The following CENPO variants were observed in gnomAD, a reference collection of about 807,000 sequenced individuals.
CENPO encodes the protein centromeric protein O.
Under a neutral mutation model 36.1 loss-of-function variants are expected in CENPO, and 30 were observed. That is an observed-to-expected ratio of 0.83 (90% CI 0.62 to 1.13). CENPO has a LOEUF of 1.13. Among genes scored for constraint, CENPO ranks in the 50% most tolerant of loss-of-function variants. The pLI, the probability that CENPO is intolerant of heterozygous loss-of-function variation, is 0.00. For missense variants in CENPO, 349 were observed against 357.8 expected (o/e 0.98, Z 0.20); for synonymous variants, 171 against 142.3 (o/e 1.20, Z -1.44).
rs1374908400 is a variant in CENPO at position 24,820,903 on chromosome 2, C to T, written c.*1585C>T. 6.3e-7 allele frequency: 1 copy of T among 1,598,444 alleles called. No individual in the cohort carries two copies. The highest frequency in any genetic ancestry group is 8.5e-7 in the Non-Finnish European group (1 of 1,171,268). ...CCACAGGCCACACCTTGTTATGGGC[C>T]TCAGAAGCCATCTCCTCTCCAGACC... On this transcript the variant is annotated 3_prime_UTR_variant, in exon 8 of 8. Coordinates refer to ENST00000380834, the MANE Select transcript of CENPO (RefSeq NM_001322101.2).
At chr2:24,818,790 G>A (rs1284822444) in intron 7 of CENPO, among the ~76,000 whole-genome samples, 1 of 152,230 alleles carries the variant, frequency 6.6e-6, no homozygotes, top group African/African-American at 2.4e-5. Flanking sequence ...TCCTTGGCGT[G>A]TGGGTCACTC....
rs571265565 is a variant in CENPO at position 24,796,818 on chromosome 2, A to C, written c.46+2853A>C. Among the ~76,000 whole-genome samples the C allele has an allele frequency of 1.7e-4, 26 of 151,634 alleles. No homozygotes were observed. In the East Asian group the frequency reaches 4.7e-3, roughly 27 times the overall value. ...GAGTAGCTGCAGGTGAAGGTGGATA[A>C]GGGGCGGCTGTGGAAGAGCCTTTGG... is the stretch of plus-strand genomic sequence containing the variant. On this transcript the variant is annotated intron_variant, in intron 2 of 7. Transcript: ENST00000380834.
At chr2:24,806,409 G>A (rs745957713) in intron 3 of CENPO, among the ~76,000 whole-genome samples, 1 of 152,170 alleles carries the variant, frequency 6.6e-6, no homozygotes, top group African/African-American at 2.4e-5. Context: ...CGTCTTCTGC[G>A]TTGCTCACGC....
intron 2 of CENPO, among the ~76,000 whole-genome samples, chr2:24,795,094 A>G (rs932365295): frequency 6.6e-6 from 1 of 152,172 alleles, no homozygotes; most frequent in Non-Finnish European, 1.5e-5. Flanking sequence ...TGTAGTGGAA[A>G]CATGCTACAC....
chr2:24,817,727 T>A lies in CENPO; in HGVS notation c.824T>A (p.Phe275Tyr). Residue 275 changes from phenylalanine to tyrosine, a missense_variant, in exon 7 of 8, where the codon TTC becomes TAC. Transcript: ENST00000380834. ...EEQRASHETL[F>Y]CTKPLHQVFA... ...CAACGAGCATCTCATGAAACTCTGT[T>A]CTGTACGAAGCCCTTGCATCAAGTG... 1 of 1,614,216 alleles carries A rather than the reference T, an allele frequency of 6.2e-7. No individual in the cohort carries two copies. Among genetic ancestry groups the A allele is most frequent in the Non-Finnish European group, 8.5e-7 (1 of 1,180,036 alleles).
intron 3 of CENPO, among the ~76,000 whole-genome samples, chr2:24,803,112 G>T (rs1394108942): frequency 1.3e-5 from 2 of 151,918 alleles, no homozygotes; most frequent in African/African-American, 2.4e-5. Flanking sequence ...TAGTTTATTT[G>T]CGTAGAGGTG....
At chr2:24,815,014 G>A (rs1450481793) in intron 4 of CENPO, among the ~76,000 whole-genome samples, 3 of 152,120 alleles carry the variant, frequency 2.0e-5, no homozygotes, top group Non-Finnish European at 4.4e-5. Context: ...GCTGAGGCAG[G>A]ATTACTTGAG....
At chr2:24,818,677 G>A (rs1396572660) in intron 7 of CENPO, among the ~76,000 whole-genome samples, 5 of 152,006 alleles carry the variant, frequency 3.3e-5, no homozygotes, top group Admixed American at 3.3e-4. Flanking sequence ...CATTAACTCA[G>A]GGGGACTCAG....
Position 24,816,661 on chromosome 2 carries a change from C to T in CENPO, c.610C>T (p.Leu204Phe). The change falls in exon 6 of 8, where the codon CTC (leucine) becomes TTC (phenylalanine). Residue 204 changes from leucine (L) to phenylalanine (F), a missense_variant. Coordinates refer to ENST00000380834, the MANE Select transcript of CENPO (RefSeq NM_001322101.2). ...ADRLQSDFAA[L>F]LTGPLQRNPL... is the part of the protein sequence containing the mutation. Reference sequence around the variant, plus strand: ...CCCCTCTTAGAGTGACTTTGCAGCCCTCCTGACTGGGCCCTTGCAGAGAAA... The same window carrying T: ...CCCCTCTTAGAGTGACTTTGCAGCCTTCCTGACTGGGCCCTTGCAGAGAAA... The T allele has an allele frequency of 2.5e-6, 4 of 1,608,964 alleles. No homozygotes were observed. Among genetic ancestry groups the T allele is most frequent in the Non-Finnish European group, 3.4e-6 (4 of 1,177,752 alleles).
At chr2:24,816,567 A>T in intron 5 of CENPO, 79 bp from the exon 6 acceptor site, 1 of 968,336 alleles carries the variant, frequency 1.0e-6, no homozygotes. Flanking sequence ...TTTTTGGTTG[A>T]CGTAATTGAA....
chr2:24,820,748 G>C lies in CENPO; in HGVS notation c.*1430G>C. The C allele has an allele frequency of 1.9e-6, 3 of 1,614,042 alleles. No homozygotes were observed. Among genetic ancestry groups the C allele is most frequent in the Non-Finnish European group, 2.5e-6 (3 of 1,179,982 alleles). The stretch of plus-strand genomic sequence containing the variant: ...CCTGAATGTTGCCCATGACCCCCGT[G>C]GACTCCATCCTGCTGGCTACATTGA... On this transcript the variant is annotated 3_prime_UTR_variant, in exon 8 of 8. Transcript: ENST00000380834.
chr2:24,793,580 T>G, intron 1 of CENPO, 79 bp downstream of exon 1: 1 of 1,474,384 alleles, frequency 6.8e-7, no homozygotes, highest in Non-Finnish European at 9.0e-7. Flanking sequence ...TGAACGGCCT[T>G]CTTAAAACTC....
chr2:24,819,783 TCA>T lies in CENPO; in HGVS notation c.*470_*471del. ...GGAATAGCAGGGCCACCCTCAGAGCTCACACATCCACGAACAAATGAAGGCTG... is the reference window on the plus strand; with the variant it reads ...GGAATAGCAGGGCCACCCTCAGAGCTCACATCCACGAACAAATGAAGGCTG... On this transcript the variant is annotated 3_prime_UTR_variant, in exon 8 of 8. Coordinates refer to ENST00000380834, the MANE Select transcript of CENPO (RefSeq NM_001322101.2). 1 of 820,156 alleles carries T rather than the reference TCA, an allele frequency of 1.2e-6. No individual in the cohort carries two copies. Among genetic ancestry groups the T allele is most frequent in the Non-Finnish European group, 1.9e-6 (1 of 524,824 alleles). The allele number at this position is 820,156 out of a possible 1,614,324, so 50.8% of individuals were successfully genotyped here.
In CENPO at chr2:24,814,447, G is replaced by T; in HGVS notation, c.288G>T (p.Glu96Asp). 1 of 1,606,960 alleles carries T rather than the reference G, an allele frequency of 6.2e-7. No individual in the cohort carries two copies. Reference protein sequence around the residue: ...VEINEQEALEEKLENVKAILQ... With the variant: ...VEINEQEALEDKLENVKAILQ... ...TCAATGAGCAAGAAGCATTGGAAGA[G>T]AAATTGGAAAATGTGAAAGCCATTC... is the stretch of plus-strand genomic sequence containing the variant. Residue 96 changes from glutamate to aspartate, a missense_variant, in exon 4 of 8, where the codon GAG becomes GAT. Coordinates refer to ENST00000380834, the MANE Select transcript of CENPO (RefSeq NM_001322101.2).
chr2:24,807,085 A>G (rs1232276138), intron 3 of CENPO, among the ~76,000 whole-genome samples: 1 of 152,184 alleles, frequency 6.6e-6, no homozygotes, highest in Non-Finnish European at 1.5e-5. Flanking sequence ...AGCCGTCAAC[A>G]ACCCTTCATT....
rs1667441458 is a variant in CENPO, at chr2:24,820,463, C to G, written c.*1145C>G. On this transcript the variant is annotated 3_prime_UTR_variant, in exon 8 of 8. Transcript: ENST00000380834. ...TCTGCCAGACGCCACTGAGACAGATCACAAGGTATTAGAAGGTTCATACCC... is the reference window on the plus strand; with the variant it reads ...TCTGCCAGACGCCACTGAGACAGATGACAAGGTATTAGAAGGTTCATACCC... The G allele has an allele frequency of 1.4e-5, 19 of 1,344,786 alleles. No individual in the cohort carries two copies. Among genetic ancestry groups the G allele is most frequent in the Non-Finnish European group, 1.8e-5 (19 of 1,050,718 alleles). The allele number at this position is 1,344,786 out of a possible 1,614,324, so 83.3% of individuals were successfully genotyped here.
Position 24,815,755 on chromosome 2 carries a change from A to C in CENPO, c.593A>C (p.Gln198Pro). The C allele has an allele frequency of 6.2e-7, 1 of 1,614,098 alleles. No homozygotes were observed. The highest frequency in any genetic ancestry group is 8.5e-7 in the Non-Finnish European group (1 of 1,179,930). Reference sequence around the variant, plus strand: ...AGGAAGTACCAGGCAGACCGGCTTCAGGTATCTCTCTGGGATGTTATATGC... The same window carrying C: ...AGGAAGTACCAGGCAGACCGGCTTCCGGTATCTCTCTGGGATGTTATATGC... The part of the protein sequence containing the change: ...SGRKYQADRL[Q>P]SDFAALLTGP... The change falls in exon 5 of 8, where the codon CAG (glutamine) becomes CCG (proline). Residue 198 changes from glutamine (Q) to proline (P), a missense_variant and splice_region_variant. By Grantham distance (76) the Gln-to-Pro change is moderately conservative. Transcript: ENST00000380834.
chr2:24,817,915 A>G (rs952756890), intron 7 of CENPO, 74 bp downstream of exon 7: 3 of 1,231,610 alleles, frequency 2.4e-6, no homozygotes, highest in Non-Finnish European at 3.4e-6. Context: ...CCTTCTGATG[A>G]AAACAGACAC....
intron 3 of CENPO, among the ~76,000 whole-genome samples, chr2:24,802,055 T>G (rs947480008): frequency 1.3e-5 from 2 of 152,234 alleles, no homozygotes; most frequent in African/African-American, 4.8e-5. Context: ...CCCTTGTAAG[T>G]TGGATTCCTG....
Sources: gnomAD v4.1 joint callset for allele counts (sites outside exome capture counted in the v4.1 genomes callset) on GRCh38, gnomAD v4.1.1 for gene constraint, MANE v1.5 for transcripts, NCBI Gene and HGNC (gene_info 2026-07-23, HGNC 2026-07-21) for gene names.